GRIK1: variants seen among roughly 807,000 people sequenced by gnomAD.
The protein encoded by GRIK1 is glutamate ionotropic receptor kainate type subunit 1.
In GRIK1, 69 loss-of-function variants were observed where a neutral mutation model predicts 105.7. The ratio of observed to expected loss-of-function variants is 0.65; its 90% CI spans 0.54 to 0.80. The LOEUF is 0.80. Among genes scored for constraint, GRIK1 ranks in the 30% least tolerant of loss-of-function variants. The pLI, the probability that GRIK1 is intolerant of heterozygous loss-of-function variation, is 0.00. For synonymous variants in GRIK1, 438 were observed against 431.3 expected, an observed-to-expected ratio of 1.02 and a Z score of -0.19; for missense variants, 1,109 against 1,167.3, an observed-to-expected ratio of 0.95 and a Z score of 0.73.
At chr21:29,695,468 C>CTATA (rs1555874130) in intron 1 of GRIK1, among the ~76,000 whole-genome samples, 94 of 144,736 alleles carry the variant, frequency 6.5e-4, no homozygotes, top group Middle Eastern at 3.5e-3. Flanking sequence ...ATCTATCTAT[C>CTATA]TATCTATCTA....
intron 7 of GRIK1, among the ~76,000 whole-genome samples, chr21:29,641,590 CA>C (rs1370208859): frequency 6.6e-6 from 1 of 152,180 alleles, no homozygotes; most frequent in Non-Finnish European, 1.5e-5. Flanking sequence ...CCCATGCAGT[CA>C]CTGCCAGGAC....
At chr21:29,569,719 A>G (rs1416759825) in intron 14 of GRIK1, among the ~76,000 whole-genome samples, 1 of 152,182 alleles carries the variant, frequency 6.6e-6, no homozygotes, top group African/African-American at 2.4e-5. Flanking sequence ...TGGGGAAAAA[A>G]AATGTGACTT....
intron 1 of GRIK1, among the ~76,000 whole-genome samples, chr21:29,721,931 A>G (rs1366554257): frequency 1.3e-5 from 2 of 152,212 alleles, no homozygotes; most frequent in Non-Finnish European, 2.9e-5. Context: ...TCAGGGTTGC[A>G]TGACACTCAT....
At chr21:29,870,631 A>C (rs1162681917) in intron 1 of GRIK1, among the ~76,000 whole-genome samples, 1 of 152,118 alleles carries the variant, frequency 6.6e-6, no homozygotes, top group African/African-American at 2.4e-5. Context: ...TTCACAACTC[A>C]GACCTATTGC....
intron 1 of GRIK1, among the ~76,000 whole-genome samples, chr21:29,866,249 C>G (rs1309423343): frequency 6.6e-6 from 1 of 151,962 alleles, no homozygotes; most frequent in African/African-American, 2.4e-5. Flanking sequence ...CCAAGCCCAG[C>G]TAACTTTTGT....
rs201052126 is a variant in GRIK1, at chr21:29,537,900, GAAAAA to G, written c.2608-21_2608-17del. The G allele has an allele frequency of 2.0e-6, 2 of 1,009,738 alleles. No homozygotes were observed. Among genetic ancestry groups the G allele is most frequent in the African/African-American group, 1.7e-5 (1 of 58,824 alleles). The allele number at this position is 1,009,738 out of a possible 1,614,324, so 62.5% of individuals were successfully genotyped here. On this transcript the variant is annotated splice_polypyrimidine_tract_variant and intron_variant, in intron 16 of 17. Coordinates refer to ENST00000327783, the MANE Select transcript of GRIK1 (RefSeq NM_001330994.2). ...ACTTTCCTTTCTGATAAAAAAAAAA[GAAAAA>G]AAAACAATTTTAAATTGTACATTTT...
chr21:29,883,517 G>C lies in GRIK1; in HGVS notation c.118+55866C>G, dbSNP rs180979940. Among the ~76,000 whole-genome samples, 88 of 152,062 alleles carry C rather than the reference G, an allele frequency of 5.8e-4. 2 individuals are homozygous for C. Among genetic ancestry groups the C allele is most frequent in the South Asian group, 5.2e-3 (25 of 4,822 alleles). The stretch of plus-strand genomic sequence containing the variant: ...TCTGAGGTCCCCTGTTTGCCACAAA[G>C]CAAGTGGTGCACATTTTCCTTCCAA... On this transcript the variant is annotated intron_variant, in intron 1 of 17. Coordinates refer to ENST00000327783, the MANE Select transcript of GRIK1 (RefSeq NM_001330994.2).
In GRIK1 at chr21:29,716,740, T is replaced by C. The variant is rs76057892; in HGVS notation, c.119-22677A>G. Among the ~76,000 whole-genome samples the C allele has an allele frequency of 1.9e-3, 292 of 152,224 alleles. 1 individual carries two copies. Among genetic ancestry groups the C allele is most frequent in the African/African-American group, 6.7e-3 (277 of 41,534 alleles). On this transcript the variant is annotated intron_variant, in intron 1 of 17. Transcript: ENST00000327783. The stretch of plus-strand genomic sequence containing the variant: ...AGCAGAGCATAAAAGTTTGAAAAAT[T>C]TGTAGCCTGACAATGCAATGGAAAA...
At chr21:29,689,609 A>G (rs1406441162) in intron 3 of GRIK1, 119 bp downstream of exon 3, 1 of 797,892 alleles carries the variant, frequency 1.3e-6, no homozygotes, top group Non-Finnish European at 2.1e-6. Context: ...ATATTCAGTT[A>G]GCTTTATATA....
At chr21:29,688,488 A>AAG (rs2063526270) in intron 3 of GRIK1, among the ~76,000 whole-genome samples, 2 of 152,152 alleles carry the variant, frequency 1.3e-5, no homozygotes, top group Admixed American at 6.5e-5. Context: ...CAAAATGTGT[A>AAG]GATCAAGGAA....
intron 1 of GRIK1, among the ~76,000 whole-genome samples, chr21:29,813,071 A>T (rs1343111972): frequency 6.6e-6 from 1 of 152,038 alleles, no homozygotes; most frequent in African/African-American, 2.4e-5. Flanking sequence ...TGGGTATAGG[A>T]TTCTCTAGGC....
At chr21:29,584,323 A>G (rs2091085168) in intron 12 of GRIK1, among the ~76,000 whole-genome samples, 1 of 152,098 alleles carries the variant, frequency 6.6e-6, no homozygotes, top group Non-Finnish European at 1.5e-5. Flanking sequence ...TTTTTGCCAA[A>G]TGCCAACTTT....
At chr21:29,844,285 C>G (rs933072575) in intron 1 of GRIK1, among the ~76,000 whole-genome samples, 1 of 152,054 alleles carries the variant, frequency 6.6e-6, no homozygotes, top group Admixed American at 6.5e-5. Flanking sequence ...TTAGACTGTT[C>G]AATCAGTGCT....
chr21:29,630,255 A>T (rs2062236118), intron 7 of GRIK1, among the ~76,000 whole-genome samples: 1 of 152,172 alleles, frequency 6.6e-6, no homozygotes, highest in South Asian at 2.1e-4. Context: ...TTGACACTAT[A>T]TAGTTGTGGT....
At chr21:29,697,580 A>G (rs184454695) in intron 1 of GRIK1, among the ~76,000 whole-genome samples, 1 of 152,074 alleles carries the variant, frequency 6.6e-6, no homozygotes, top group East Asian at 1.9e-4. Flanking sequence ...TAAATGCGAA[A>G]AATCTACTGT....
intron 1 of GRIK1, among the ~76,000 whole-genome samples, chr21:29,785,618 A>G (rs1180393700): frequency 1.3e-5 from 2 of 150,984 alleles, no homozygotes; most frequent in Non-Finnish European, 2.9e-5. Context: ...ATTTTTGTTC[A>G]TATACTTTTT....
intron 14 of GRIK1, among the ~76,000 whole-genome samples, chr21:29,565,477 G>A (rs2090591176): frequency 6.6e-6 from 1 of 152,218 alleles, no homozygotes; most frequent in Non-Finnish European, 1.5e-5. Context: ...TTGTTCCCCA[G>A]GTTAGAGTGC....
chr21:29,854,337 C>T (rs1402031428), intron 1 of GRIK1, among the ~76,000 whole-genome samples: 2 of 132,582 alleles, frequency 1.5e-5, no homozygotes, highest in African/African-American at 6.3e-5. Context: ...ATGACCCAAA[C>T]ACCCCCCCAC....
intron 4 of GRIK1, among the ~76,000 whole-genome samples, chr21:29,665,649 T>C (rs899104603): frequency 6.6e-6 from 1 of 152,256 alleles, no homozygotes; most frequent in African/African-American, 2.4e-5. Flanking sequence ...GGATTCTTGG[T>C]CACGTGTATG....
Sources: gnomAD v4.1 joint callset for allele counts (sites outside exome capture counted in the v4.1 genomes callset) on GRCh38, gnomAD v4.1.1 for gene constraint, MANE v1.5 for transcripts, NCBI Gene and HGNC (gene_info 2026-07-23, HGNC 2026-07-21) for gene names.